MUC4: variants seen among roughly 807,000 people sequenced by gnomAD.
MUC4 encodes the protein mucin 4, cell surface associated, also known as mucin-4.
A neutral mutation model predicts 257.9 loss-of-function variants in MUC4; 202 were observed. The ratio of observed to expected loss-of-function variants is 0.78; its 90% CI spans 0.70 to 0.88. The LOEUF (loss-of-function observed/expected upper bound fraction) is 0.88, where lower values mean the gene tolerates loss of function less well. Among genes scored for constraint, MUC4 ranks in the 40% least tolerant of loss-of-function variants. MUC4 has a pLI of 0.00. For synonymous variants in MUC4, 2,351 were observed against 2,757.1 expected, an observed-to-expected ratio of 0.85 and a Z score of 4.62; for missense variants, 5,976 against 6,513.7, an observed-to-expected ratio of 0.92 and a Z score of 2.84.
chr3:195,796,378 C>T (rs1027660455), intron 1 of MUC4, among the ~76,000 whole-genome samples: 21 of 152,190 alleles, frequency 1.4e-4, no homozygotes, highest in Admixed American at 1.1e-3. Flanking sequence ...CCACCTCGCC[C>T]GGCCACTATA....
At chr3:195,767,358 T>C (rs758574312) in intron 7 of MUC4, among the ~76,000 whole-genome samples, 12 of 148,912 alleles carry the variant, frequency 8.1e-5, no homozygotes, top group Non-Finnish European at 1.7e-4. Flanking sequence ...CTGCCACTGC[T>C]GCTACCACCA....
chr3:195,792,995 G>A (rs1458205542), intron 1 of MUC4, among the ~76,000 whole-genome samples: 2 of 152,146 alleles, frequency 1.3e-5, no homozygotes, highest in East Asian at 3.8e-4. Context: ...ACGGGACAAG[G>A]GGAGGAAGAG....
At chr3:195,747,967 G>A (rs1352348726) in intron 24 of MUC4, among the ~76,000 whole-genome samples, 4 of 152,042 alleles carry the variant, frequency 2.6e-5, no homozygotes, top group Non-Finnish European at 4.4e-5. Context: ...TCACACCCCC[G>A]CCCCAGCCCG....
At chr3:195,803,567 C>T (rs1735617155) in intron 1 of MUC4, among the ~76,000 whole-genome samples, 1 of 152,250 alleles carries the variant, frequency 6.6e-6, no homozygotes, top group Non-Finnish European at 1.5e-5. Context: ...CACGTTATGA[C>T]TCTATGAATA....
In MUC4 at chr3:195,806,674, C is replaced by T. The variant is rs118170306; in HGVS notation, c.82+5062G>A. 1.5e-4 allele frequency among the ~76,000 whole-genome samples: 23 copies of T among 152,310 alleles called. 1 individual carries two copies. In the East Asian group the frequency reaches 3.3e-3, roughly 22 times the overall value. On this transcript the variant is annotated intron_variant, in intron 1 of 24. Coordinates refer to ENST00000463781, the MANE Select transcript of MUC4 (RefSeq NM_018406.7). ...TGAATGCTTCTGTTCTTCCCTCCGT[C>T]GGTGGGCTGGGCTGGTTTGGAGATT...
At position 195,752,084 on chromosome 3, in the gene MUC4, G is replaced by A. The variant is rs1023495423; in HGVS notation, c.15582+289C>T. On this transcript the variant is annotated intron_variant, in intron 21 of 24. Transcript: ENST00000463781. ...CTCTGGGAAGTCAGGGAAGACTCCC[G>A]GGAGGTGAAATGTCCTTTAGTTTCT... is the stretch of plus-strand genomic sequence containing the variant. The A allele has an allele frequency of 3.5e-5, 15 of 432,928 alleles. 1 individual carries two copies. The highest frequency in any genetic ancestry group is 3.6e-5 in the Admixed American group (1 of 28,100). The allele number at this position is 432,928 out of a possible 1,614,324, so 26.8% of individuals were successfully genotyped here.
At position 195,771,770 on chromosome 3, in the gene MUC4, A is replaced by G; in HGVS notation, c.13124T>C (p.Ile4375Thr). ...QIIFPESDYQ[I>T]FSYPNPLPTG... ...TGGGAGTGGGTTGGGGTAGGAGAAA[A>G]TCTGGTAGTCTGACTCTGGGAAGAT... is the stretch of plus-strand genomic sequence containing the variant. Residue 4375 changes from isoleucine to threonine, a missense_variant, in exon 5 of 25, where the codon ATT becomes ACT. Physicochemically the swap from Ile to Thr is moderately conservative, Grantham distance 89. This residue lies in a region of MUC4 where 996 missense variants were observed against 1,137.3 expected (regional missense o/e 0.88). Transcript: ENST00000463781. 6.2e-7 allele frequency: 1 copy of G among 1,613,864 alleles called. No individual in the cohort carries two copies. The highest frequency in any genetic ancestry group is 8.5e-7 in the Non-Finnish European group (1 of 1,179,844).
intron 1 of MUC4, among the ~76,000 whole-genome samples, chr3:195,804,285 G>A (rs556272180): frequency 2.0e-5 from 3 of 152,332 alleles, no homozygotes; most frequent in Admixed American, 6.5e-5. Context: ...GCTGCCTCAC[G>A]TCTGTTAGGG....
intron 1 of MUC4, among the ~76,000 whole-genome samples, chr3:195,797,018 G>A (rs906340747): frequency 9.9e-5 from 15 of 152,192 alleles, no homozygotes; most frequent in African/African-American, 2.9e-4. Context: ...CGAGGCAGGC[G>A]GATCACTTGA....
rs1429223208 is a variant in MUC4, at chr3:195,810,982, G to T, written c.82+754C>A. Among the ~76,000 whole-genome samples, 2 of 151,788 alleles carry T rather than the reference G, an allele frequency of 1.3e-5. No individual in the cohort carries two copies. Among genetic ancestry groups the T allele is most frequent in the African/African-American group, 4.8e-5 (2 of 41,262 alleles). ...CGAGTAAGCCTGGGCTCTCACCATGGATCCTTCCAGACATCGCCGGGCTGC... is the reference window on the plus strand; with the variant it reads ...CGAGTAAGCCTGGGCTCTCACCATGTATCCTTCCAGACATCGCCGGGCTGC... On this transcript the variant is annotated intron_variant, in intron 1 of 24. Coordinates refer to ENST00000463781, the MANE Select transcript of MUC4 (RefSeq NM_018406.7). This position sits in a 1 kb window ranked among gnomAD's most constrained non-coding sequence, Gnocchi z 4.2.
In MUC4 at chr3:195,759,238, C is replaced by T. The variant is rs1461486556; in HGVS notation, c.14872G>A (p.Gly4958Ser). Residue 4958 changes from glycine to serine, a missense_variant, in exon 17 of 25, where the codon GGT becomes AGT. Coordinates refer to ENST00000463781, the MANE Select transcript of MUC4 (RefSeq NM_018406.7). Reference protein sequence around the residue: ...TLNQYPPSINGGRVIEAYKGQ... With the variant: ...TLNQYPPSINSGRVIEAYKGQ... ...TTGTAGGCTTCAATCACACGACCAC[C>T]ATTGATGGAGGGCGGGTACTGATCT... is the stretch of plus-strand genomic sequence containing the variant. 6.2e-7 allele frequency: 1 copy of T among 1,614,074 alleles called. No homozygotes were observed. The highest frequency in any genetic ancestry group is 8.5e-7 in the Non-Finnish European group (1 of 1,180,002).
rs1172738494 is a variant in MUC4, at chr3:195,781,067, G to T, written c.10513C>A (p.Leu3505Ile). 1 of 1,496,412 alleles carries T rather than the reference G, an allele frequency of 6.7e-7. No homozygotes were observed. The allele number at this position is 1,496,412 out of a possible 1,614,324, so 92.7% of individuals were successfully genotyped here. Reference protein sequence around the residue: ...SSASTGDTSTLPVTGASSAST... With the variant: ...SSASTGDTSTIPVTGASSAST... ...GCTGAGGAAGCGCCGGTGACAGGAA[G>T]AGTGCTGGTGTCACCTGTGGATGCT... Residue 3505 changes from leucine to isoleucine, a missense_variant, in exon 2 of 25, where the codon CTT becomes ATT. By Grantham distance (5) the Leu-to-Ile change is conservative (BLOSUM62 2). This residue lies in a region of MUC4 where 297 missense variants were observed against 240.9 expected (regional missense o/e 1.23). Coordinates refer to ENST00000463781, the MANE Select transcript of MUC4 (RefSeq NM_018406.7).
rs566021886 is a variant in MUC4 at position 195,794,412 on chromosome 3, A to G, written c.83-2915T>C. Among the ~76,000 whole-genome samples, 567 of 151,258 alleles carry G rather than the reference A, an allele frequency of 3.7e-3. 3 individuals are homozygous for G. Among genetic ancestry groups the G allele is most frequent in the African/African-American group, 0.013 (535 of 40,816 alleles). ...GAGAGAAGAAAGAGAGAGAGAGAGAAAGAAAGAGAGAGAGAGAAAGAGAGA... is the reference window on the plus strand; with the variant it reads ...GAGAGAAGAAAGAGAGAGAGAGAGAGAGAAAGAGAGAGAGAGAAAGAGAGA... On this transcript the variant is annotated intron_variant, in intron 1 of 24. Transcript: ENST00000463781.
In MUC4 at chr3:195,785,596, G is replaced by T; in HGVS notation, c.5984C>A (p.Thr1995Lys). 1 of 1,537,464 alleles carries T rather than the reference G, an allele frequency of 6.5e-7. No individual in the cohort carries two copies. The highest frequency in any genetic ancestry group is 1.4e-5 in the African/African-American group (1 of 69,520). Residue 1995 changes from threonine to lysine, a missense_variant, in exon 2 of 25, where the codon ACA becomes AAA. This residue lies in a region of MUC4 where 51 missense variants were observed against 45.1 expected (regional missense o/e 1.13). Transcript: ENST00000463781. Reference protein sequence around the residue: ...LPVTDASSVSTGHATPLPVTD... With the variant: ...LPVTDASSVSKGHATPLPVTD... ...GACCGGAAGAGGGGTGGCATGACCT[G>T]TGGACACTGAGGAAGCGTCGGTGAC...
chr3:195,799,229 C>CTGTGTGTGTGTGTGTGTG (rs56897401), intron 1 of MUC4, among the ~76,000 whole-genome samples: 15 of 120,090 alleles, frequency 1.2e-4, no homozygotes, highest in African/African-American at 4.0e-4. Flanking sequence ...ATGTGTGACA[C>CTGTGTGTGTGTGTGTGTG]TGTGTGTGTG....
intron 1 of MUC4, 36 bp downstream of exon 1, chr3:195,811,700 C>T: frequency 1.2e-6 from 2 of 1,606,048 alleles, no homozygotes; most frequent in Non-Finnish European, 1.7e-6. Context: ...CAAGTGCTCC[C>T]CGCAGCCAGC....
chr3:195,779,590 TGA>T lies in MUC4; in HGVS notation c.11988_11989del (p.His3997ArgfsTer48). 1 of 1,413,760 alleles carries T rather than the reference TGA, an allele frequency of 7.1e-7. No individual in the cohort carries two copies. The highest frequency in any genetic ancestry group is 9.4e-7 in the Non-Finnish European group (1 of 1,063,610). The allele number at this position is 1,413,760 out of a possible 1,614,324, so 87.6% of individuals were successfully genotyped here. Reference sequence around the variant, plus strand: ...GCTGGTGACAGGAAGAGGGGTGGCGTGACCTGTGGATACTGAGGAAGTGTCGG... The same window carrying T: ...GCTGGTGACAGGAAGAGGGGTGGCGTCCTGTGGATACTGAGGAAGTGTCGG... On this transcript the variant is annotated frameshift_variant, in exon 2 of 25. Transcript: ENST00000463781. LOFTEE classifies it high-confidence loss of function.
rs1280717898 is a variant in MUC4, at chr3:195,788,208, G to C, written c.3372C>G (p.Thr1124=). The stretch of plus-strand genomic sequence containing the variant: ...GACCTGTGGATGCTGAGGAAGTGTC[G>C]GTGACAGGAAGAGGGGTGGTGTGAC... ...STGHTTPLPV[T]DTSSASTGHA... The change falls in exon 2 of 25, where the codon ACC becomes ACG. Residue 1124 remains threonine (T), a synonymous_variant. Transcript: ENST00000463781. 1.0e-5 allele frequency: 15 copies of C among 1,460,328 alleles called. No individual in the cohort carries two copies. The African/African-American group carries it at 1.7e-4, about 16-fold the overall frequency. 90.5% of individuals were successfully genotyped at this position (1,460,328 alleles called of 1,614,324 possible).
At chr3:195,750,042 G>A (rs1364165682) in intron 23 of MUC4, 1 of 152,286 alleles carries the variant, frequency 6.6e-6, no homozygotes, top group Admixed American at 6.5e-5. Flanking sequence ...TGCTCCGGGA[G>A]AGAGCGGGCT....
Sources: gnomAD v4.1 joint callset for allele counts (sites outside exome capture counted in the v4.1 genomes callset) on GRCh38, gnomAD v4.1.1 for gene constraint, gnomAD v4.1.1 regional missense constraint, Gnocchi (gnomAD v3.1) non-coding constraint, MANE v1.5 for transcripts, NCBI Gene and HGNC (gene_info 2026-07-23, HGNC 2026-07-21) for gene names.